NTN1: variants seen among roughly 807,000 people sequenced by gnomAD.
NTN1 encodes netrin 1, also known as netrin-1.
In NTN1, 11 loss-of-function variants were observed where a neutral mutation model predicts 54.2. The observed-to-expected ratio is 0.20, with a 90% CI of 0.13 to 0.34. The LOEUF is 0.34. Among genes scored for constraint, NTN1 ranks in the 10% least tolerant of loss-of-function variants. The pLI, the probability that NTN1 is intolerant of heterozygous loss-of-function variation, is 1.00. For missense variants in NTN1, 740 were observed against 893.1 expected, an observed-to-expected ratio of 0.83 and a Z score of 2.18; for synonymous variants, 371 against 382.0, an observed-to-expected ratio of 0.97 and a Z score of 0.33.
intron 2 of NTN1, among the ~76,000 whole-genome samples, chr17:9,050,593 T>A (rs1330907618): frequency 7.2e-6 from 1 of 138,490 alleles, no homozygotes; most frequent in Non-Finnish European, 1.5e-5. Context: ...CGCTTGAACC[T>A]GGGAGGCAGA....
At chr17:9,216,135 C>G (rs375218937) in intron 5 of NTN1, among the ~76,000 whole-genome samples, 62 of 152,240 alleles carry the variant, frequency 4.1e-4, no homozygotes, top group African/African-American at 1.5e-3. Context: ...TTATTTCATT[C>G]TTTTAAGGGA....
the NTN1 span, among the ~76,000 whole-genome samples, chr17:9,013,575 G>T: frequency 2.2e-3 from 339 of 152,248 alleles, 2 homozygotes; most frequent in African/African-American, 7.8e-3. Context: ...TATTTTAAAT[G>T]ATGTCTCCCA....
At chr17:9,012,436 G>A in the NTN1 span, among the ~76,000 whole-genome samples, 20 of 152,096 alleles carry the variant, frequency 1.3e-4, no homozygotes, top group South Asian at 6.2e-4. Flanking sequence ...ACTTGAACCC[G>A]GGAGGCGGAG....
chr17:9,195,198 C>A (rs1416115330), intron 5 of NTN1, among the ~76,000 whole-genome samples: 1 of 151,574 alleles, frequency 6.6e-6, no homozygotes, highest in South Asian at 2.1e-4. Flanking sequence ...CTCTACCACC[C>A]CTCCACCCCT....
chr17:9,237,010 C>T (rs1354329307), intron 6 of NTN1, among the ~76,000 whole-genome samples: 1 of 152,322 alleles, frequency 6.6e-6, no homozygotes. Flanking sequence ...AGCTCTTTCT[C>T]TAGCCTCTTC....
chr17:9,102,403 C>T (rs1398937772), intron 2 of NTN1, among the ~76,000 whole-genome samples: 1 of 152,182 alleles, frequency 6.6e-6, no homozygotes, highest in Non-Finnish European at 1.5e-5. Flanking sequence ...CATCAGATCT[C>T]GTGAGAACTA....
intron 2 of NTN1, among the ~76,000 whole-genome samples, chr17:9,156,126 G>A (rs532128245): frequency 6.6e-6 from 1 of 152,282 alleles, no homozygotes; most frequent in East Asian, 1.9e-4. Context: ...ATGTGGCCTG[G>A]ACATGTGGAA....
intron 2 of NTN1, among the ~76,000 whole-genome samples, chr17:9,095,013 GAAAC>G (rs1333485456): frequency 1.1e-5 from 1 of 89,790 alleles, no homozygotes; most frequent in Non-Finnish European, 2.3e-5. Context: ...AAAAAAAAAA[GAAAC>G]AGCATGTTAA....
At chr17:9,106,351 G>A (rs559826860) in intron 2 of NTN1, among the ~76,000 whole-genome samples, 1 of 152,352 alleles carries the variant, frequency 6.6e-6, no homozygotes, top group South Asian at 2.1e-4. Flanking sequence ...TGGTTGAAGT[G>A]TGAAGCTGTA....
chr17:9,130,107 C>T (rs901355590), intron 2 of NTN1, among the ~76,000 whole-genome samples: 3 of 152,146 alleles, frequency 2.0e-5, no homozygotes, highest in African/African-American at 2.4e-5. Flanking sequence ...CTGGTGACAC[C>T]TGGGTCAGGG....
At chr17:9,235,051 C>G (rs1905939837) in intron 6 of NTN1, among the ~76,000 whole-genome samples, 1 of 151,054 alleles carries the variant, frequency 6.6e-6, no homozygotes, top group Non-Finnish European at 1.5e-5. Context: ...CAAACTCCGC[C>G]TCCCGGGTTC....
intron 5 of NTN1, among the ~76,000 whole-genome samples, chr17:9,202,029 T>TC (rs1232035557): frequency 1.9e-4 from 5 of 26,820 alleles, no homozygotes; most frequent in Non-Finnish European, 2.5e-4. Context: ...CTACTAAAAA[T>TC]ACACACACAC....
chr17:9,073,427 G>A (rs1256442918), intron 2 of NTN1, among the ~76,000 whole-genome samples: 1 of 152,180 alleles, frequency 6.6e-6, no homozygotes, highest in Non-Finnish European at 1.5e-5. Context: ...AAATTTCAGG[G>A]CAACTTTGCC....
chr17:9,145,916 CAA>C (rs60504172), intron 2 of NTN1, among the ~76,000 whole-genome samples: 3,022 of 88,874 alleles, frequency 0.034, 78 homozygotes, highest in African/African-American at 0.099. Flanking sequence ...GACTCCATCT[CAA>C]AAAAAAAAAA....
intron 2 of NTN1, among the ~76,000 whole-genome samples, chr17:9,042,429 G>A (rs146664126): frequency 0.013 from 1,968 of 151,818 alleles, 18 homozygotes; most frequent in Middle Eastern, 0.037. Context: ...GCTATAATGC[G>A]CTATGACTGC....
In NTN1 at chr17:9,025,328, CACTA is replaced by C. The variant is rs573548861; in HGVS notation, c.1018+1942_1018+1945del. Among the ~76,000 whole-genome samples, 43 of 152,318 alleles carry C rather than the reference CACTA, an allele frequency of 2.8e-4. No homozygotes were observed. In the South Asian group the frequency reaches 8.5e-3, roughly 30 times the overall value. On this transcript the variant is annotated intron_variant, in intron 2 of 6. Coordinates refer to ENST00000173229, the MANE Select transcript of NTN1 (RefSeq NM_004822.3). ...TTGGGATTTTGTCTCTTGACCAAAG[CACTA>C]ACTATGCACACAAATTGGATTGACC...
chr17:9,104,874 G>T (rs977655790), intron 2 of NTN1, among the ~76,000 whole-genome samples: 5 of 152,188 alleles, frequency 3.3e-5, no homozygotes, highest in African/African-American at 1.2e-4. Flanking sequence ...TGACAGCCAG[G>T]GACCTGCTGC....
chr17:9,169,727 T>G (rs994564767), intron 3 of NTN1, among the ~76,000 whole-genome samples: 7 of 152,140 alleles, frequency 4.6e-5, no homozygotes, highest in Non-Finnish European at 7.4e-5. Context: ...TAGCCGGGTG[T>G]GGTGGCGCAT....
chr17:9,204,290 TTC>T (rs72069347), intron 5 of NTN1, among the ~76,000 whole-genome samples: 25 of 143,234 alleles, frequency 1.7e-4, no homozygotes, highest in East Asian at 4.0e-4. Context: ...CTCTATCTCT[TTC>T]TCTCTCTCTC....
Sources: gnomAD v4.1 joint callset for allele counts (sites outside exome capture counted in the v4.1 genomes callset) on GRCh38, gnomAD v4.1.1 for gene constraint, MANE v1.5 for transcripts, NCBI Gene and HGNC (gene_info 2026-07-23, HGNC 2026-07-21) for gene names.